PXK: variants seen among roughly 807,000 people sequenced by gnomAD.
PXK encodes the protein PX domain-containing protein kinase-like protein.
Under a neutral mutation model 84.7 loss-of-function variants are expected in PXK, and 35 were observed. The ratio of observed to expected loss-of-function variants is 0.41; its 90% CI spans 0.32 to 0.55. The LOEUF (loss-of-function observed/expected upper bound fraction) is 0.55, where lower values mean the gene tolerates loss of function less well. Among genes scored for constraint, PXK ranks in the 20% least tolerant of loss-of-function variants. The probability of loss-of-function intolerance (pLI) is 0.21; values close to 1 mark genes in which losing one functional copy is unlikely to be tolerated. For missense variants in PXK, 634 were observed against 699.7 expected (o/e 0.91, Z 1.06); for synonymous variants, 253 against 260.8 (o/e 0.97, Z 0.29).
At chr3:58,391,501 T>TC (rs11381732) in intron 6 of PXK, among the ~76,000 whole-genome samples, 30 of 71,816 alleles carry the variant, frequency 4.2e-4, no homozygotes, top group East Asian at 0.014. Flanking sequence ...GGAGTTTACT[T>TC]CCCAAAAAAA....
chr3:58,346,983 C>T lies in PXK; in HGVS notation c.102+13893C>T, dbSNP rs1012388538. The stretch of plus-strand genomic sequence containing the variant: ...TCTCCTGAGTAGCTGGGACTACAGG[C>T]GCGTGCCACCATGCCCGGCTAATTT... On this transcript the variant is annotated intron_variant, in intron 1 of 17. Coordinates refer to ENST00000356151, the MANE Select transcript of PXK (RefSeq NM_017771.5). Among the ~76,000 whole-genome samples, 6 of 152,244 alleles carry T rather than the reference C, an allele frequency of 3.9e-5. No homozygotes were observed. In the East Asian group the frequency reaches 5.8e-4, roughly 15 times the overall value.
At chr3:58,359,991 T>A (rs2098154192) in intron 1 of PXK, among the ~76,000 whole-genome samples, 1 of 151,950 alleles carries the variant, frequency 6.6e-6, no homozygotes, top group Non-Finnish European at 1.5e-5. Context: ...CTACAAAAAA[T>A]TTAAAAATTA....
At chr3:58,418,445 G>A (rs1384393667) in intron 17 of PXK, among the ~76,000 whole-genome samples, 1 of 152,166 alleles carries the variant, frequency 6.6e-6, no homozygotes, top group Admixed American at 6.5e-5. Flanking sequence ...CCCCATTGAT[G>A]TATTGAGTGC....
At chr3:58,336,071 A>ATTTAT (rs2097598309) in intron 1 of PXK, among the ~76,000 whole-genome samples, 1 of 51,572 alleles carries the variant, frequency 1.9e-5, no homozygotes, top group Non-Finnish European at 3.3e-5. Flanking sequence ...ATATATATAT[A>ATTTAT]TTTTTTTTTT....
In PXK at chr3:58,397,229, G is replaced by T. The variant is rs199606615; in HGVS notation, c.984+29G>T. The stretch of plus-strand genomic sequence containing the variant: ...AGTTGCTAAAGTAATGAAATAGCAG[G>T]TTCATTTTTAGGTGTCAGTTATCCC... On this transcript the variant is annotated intron_variant, in intron 10 of 17. Coordinates refer to ENST00000356151, the MANE Select transcript of PXK (RefSeq NM_017771.5). This position sits in a 1 kb window ranked among gnomAD's most constrained non-coding sequence, Gnocchi z 4.7. 1 of 1,605,736 alleles carries T rather than the reference G, an allele frequency of 6.2e-7. No homozygotes were observed. The highest frequency in any genetic ancestry group is 1.3e-5 in the African/African-American group (1 of 74,864).
rs1240668903 is a variant in PXK at position 58,370,132 on chromosome 3, C to T, written c.201+654C>T. Among the ~76,000 whole-genome samples, 1 of 152,210 alleles carries T rather than the reference C, an allele frequency of 6.6e-6. No homozygotes were observed. Among genetic ancestry groups the T allele is most frequent in the Non-Finnish European group, 1.5e-5 (1 of 68,040 alleles). On this transcript the variant is annotated intron_variant, in intron 3 of 17. Transcript: ENST00000356151. The surrounding 1 kb of genome is among the most constrained non-coding windows in gnomAD (Gnocchi z 4.2). ...CTTAGGTGGAGCTGGGACTCTGAATCTCTTCATTGAACTAGGCTACATATC... is the reference window on the plus strand; with the variant it reads ...CTTAGGTGGAGCTGGGACTCTGAATTTCTTCATTGAACTAGGCTACATATC...
At chr3:58,349,571 G>C (rs1218672688) in intron 1 of PXK, among the ~76,000 whole-genome samples, 3 of 151,886 alleles carry the variant, frequency 2.0e-5, no homozygotes, top group Non-Finnish European at 4.4e-5. Context: ...GGCCAGGCTG[G>C]TCTTGAACTG....
Position 58,425,182 on chromosome 3 carries a change from C to A in PXK, c.*222C>A. 1.6e-6 allele frequency: 1 copy of A among 624,852 alleles called. No homozygotes were observed. Among genetic ancestry groups the A allele is most frequent in the Non-Finnish European group, 2.6e-6 (1 of 377,720 alleles). 38.7% of individuals were successfully genotyped at this position (624,852 alleles called of 1,614,324 possible). On this transcript the variant is annotated 3_prime_UTR_variant, in exon 18 of 18. Coordinates refer to ENST00000356151, the MANE Select transcript of PXK (RefSeq NM_017771.5). Reference sequence around the variant, plus strand: ...CCTTAAGATCTTGCTCCTTTATTAACCCTGTAAAGGAGTCTTGTTTATCCT... The same window carrying A: ...CCTTAAGATCTTGCTCCTTTATTAAACCTGTAAAGGAGTCTTGTTTATCCT...
chr3:58,375,108 A>G (rs2098426932), intron 3 of PXK, among the ~76,000 whole-genome samples: 1 of 152,208 alleles, frequency 6.6e-6, no homozygotes. Context: ...TTCAAAACAG[A>G]TACTTTATGA....
intron 17 of PXK, chr3:58,423,023 G>T (rs1029418805): frequency 5.5e-5 from 54 of 985,258 alleles, no homozygotes; most frequent in Non-Finnish European, 6.4e-5. Context: ...CTGGGGAAGG[G>T]CACTGGCACC....
intron 1 of PXK, among the ~76,000 whole-genome samples, chr3:58,350,773 T>C (rs1207022138): frequency 6.6e-6 from 1 of 152,174 alleles, no homozygotes; most frequent in African/African-American, 2.4e-5. Flanking sequence ...TATACCTCCC[T>C]CTCTGAAGAT....
intron 1 of PXK, among the ~76,000 whole-genome samples, chr3:58,334,929 GTGTGTGTGTGT>G (rs2097560024): frequency 5.8e-5 from 7 of 121,336 alleles, no homozygotes; most frequent in African/African-American, 2.4e-4. Context: ...TATTGTAAGG[GTGTGTGTGTGT>G]GTGTGTGTGT....
chr3:58,345,227 G>C (rs1324525655), intron 1 of PXK, among the ~76,000 whole-genome samples: 1 of 152,172 alleles, frequency 6.6e-6, no homozygotes, highest in Non-Finnish European at 1.5e-5. Context: ...GGAACTCGGA[G>C]TGGTTAACAG....
Position 58,399,211 on chromosome 3 carries a change from T to G in PXK, c.1103-88T>G. ...CTGTCCTGATCAGCCCGCAGACAGTTATTGCAAAGTGGTGTTAAACTTTTC... is the reference window on the plus strand; with the variant it reads ...CTGTCCTGATCAGCCCGCAGACAGTGATTGCAAAGTGGTGTTAAACTTTTC... On this transcript the variant is annotated intron_variant, in intron 11 of 17. Coordinates refer to ENST00000356151, the MANE Select transcript of PXK (RefSeq NM_017771.5). The surrounding 1 kb of genome is among the most constrained non-coding windows in gnomAD (Gnocchi z 4.3). The G allele has an allele frequency of 8.8e-7, 1 of 1,141,794 alleles. No homozygotes were observed. Among genetic ancestry groups the G allele is most frequent in the Non-Finnish European group, 1.3e-6 (1 of 757,264 alleles). The allele number at this position is 1,141,794 out of a possible 1,614,324, so 70.7% of individuals were successfully genotyped here.
chr3:58,358,178 A>C (rs147206486), intron 1 of PXK, among the ~76,000 whole-genome samples: 1 of 152,306 alleles, frequency 6.6e-6, no homozygotes, highest in African/African-American at 2.4e-5. Context: ...CCACTGTTTT[A>C]GTCATTTTGA....
chr3:58,341,860 C>T (rs978498812), intron 1 of PXK, among the ~76,000 whole-genome samples: 7 of 151,960 alleles, frequency 4.6e-5, no homozygotes, highest in Non-Finnish European at 8.8e-5. Context: ...CCCGCTACCA[C>T]GCCTGGCTAA....
intron 1 of PXK, among the ~76,000 whole-genome samples, chr3:58,336,157 CA>C (rs1240998818): frequency 6.7e-6 from 1 of 148,554 alleles, no homozygotes; most frequent in Non-Finnish European, 1.5e-5. Flanking sequence ...GTGATCCTCC[CA>C]CCTCAGCCTC....
intron 1 of PXK, among the ~76,000 whole-genome samples, chr3:58,335,812 T>C (rs1406658784): frequency 2.6e-5 from 4 of 151,982 alleles, no homozygotes; most frequent in Non-Finnish European, 4.4e-5. Context: ...CATCTGTAAA[T>C]GGGAGTAATA....
chr3:58,400,682 G>A lies in PXK; in HGVS notation c.1181+1305G>A, dbSNP rs1053710469. Among the ~76,000 whole-genome samples, 2 of 152,042 alleles carry A rather than the reference G, an allele frequency of 1.3e-5. No homozygotes were observed. Among genetic ancestry groups the A allele is most frequent in the African/African-American group, 4.8e-5 (2 of 41,378 alleles). On this transcript the variant is annotated intron_variant, in intron 12 of 17. Coordinates refer to ENST00000356151, the MANE Select transcript of PXK (RefSeq NM_017771.5). The surrounding 1 kb of genome is among the most constrained non-coding windows in gnomAD (Gnocchi z 4.0). ...TCCCAGCACTTTGGGAGGCTGAGGC[G>A]GGTGGATCACTTGAGGTCAGGAGTT...
Sources: gnomAD v4.1 joint callset for allele counts (sites outside exome capture counted in the v4.1 genomes callset) on GRCh38, gnomAD v4.1.1 for gene constraint, Gnocchi (gnomAD v3.1) non-coding constraint, MANE v1.5 for transcripts, NCBI Gene and HGNC (gene_info 2026-07-23, HGNC 2026-07-21) for gene names.